The following ASIC2 variants were observed in gnomAD, a reference collection of about 807,000 sequenced individuals.
ASIC2 encodes acid sensing ion channel subunit 2, also known as acid-sensing ion channel 2.
ASIC2 carries 25 observed loss-of-function variants against 57.3 expected under a neutral mutation model. The observed-to-expected ratio is 0.44, with a 90% CI of 0.32 to 0.61. The LOEUF is 0.61. Among genes scored for constraint, ASIC2 ranks in the 20% least tolerant of loss-of-function variants. ASIC2 has a pLI of 0.06. For synonymous variants in ASIC2, 319 were observed against 307.5 expected, an observed-to-expected ratio of 1.04 and a Z score of -0.39; for missense variants, 641 against 738.1, an observed-to-expected ratio of 0.87 and a Z score of 1.52.
At chr17:33,274,753 T>C (rs537719317) in intron 1 of ASIC2, among the ~76,000 whole-genome samples, 1 of 152,228 alleles carries the variant, frequency 6.6e-6, no homozygotes, top group South Asian at 2.1e-4. Context: ...AGTTGAAAAA[T>C]CCTGACTTAT....
intron 1 of ASIC2, among the ~76,000 whole-genome samples, chr17:33,930,890 C>A (rs955388686): frequency 6.6e-6 from 1 of 151,888 alleles, no homozygotes; most frequent in Admixed American, 6.5e-5. Flanking sequence ...CTGCCTAGTG[C>A]AGATTTATTT....
intron 1 of ASIC2, among the ~76,000 whole-genome samples, chr17:34,021,868 A>G (rs897918759): frequency 8.1e-6 from 1 of 123,482 alleles, no homozygotes; most frequent in Non-Finnish European, 1.6e-5. Flanking sequence ...GACAGAGTCT[A>G]GCTCTGTCAC....
intron 1 of ASIC2, among the ~76,000 whole-genome samples, chr17:33,504,655 G>A (rs1914196774): frequency 6.6e-6 from 1 of 152,180 alleles, no homozygotes; most frequent in Non-Finnish European, 1.5e-5. Context: ...TGTAAAGAGA[G>A]TATCTTTTTA....
At position 33,064,091 on chromosome 17, in the gene ASIC2, T is replaced by C. The variant is rs147692328; in HGVS notation, c.987+24772A>G. ...CTTTTTTCAAGGTTTTTAACTTCTTTGCGATGGGTTCACACTTCCTCCTTT... is the reference window on the plus strand; with the variant it reads ...CTTTTTTCAAGGTTTTTAACTTCTTCGCGATGGGTTCACACTTCCTCCTTT... On this transcript the variant is annotated intron_variant, in intron 3 of 9. Transcript: ENST00000225823. Among the ~76,000 whole-genome samples, 999 of 152,344 alleles carry C rather than the reference T, an allele frequency of 6.6e-3. 5 individuals carry two copies. Among genetic ancestry groups the C allele is most frequent in the African/African-American group, 0.023 (948 of 41,578 alleles).
At chr17:33,492,150 A>G (rs1289269452) in intron 1 of ASIC2, among the ~76,000 whole-genome samples, 1 of 152,242 alleles carries the variant, frequency 6.6e-6, no homozygotes, top group Non-Finnish European at 1.5e-5. Flanking sequence ...CACAGCTAGC[A>G]TGTATTAAGT....
At chr17:33,030,714 A>C (rs766583945) in intron 3 of ASIC2, among the ~76,000 whole-genome samples, 1 of 152,142 alleles carries the variant, frequency 6.6e-6, no homozygotes, top group Non-Finnish European at 1.5e-5. Context: ...GAGAGTTTTT[A>C]TCATCAGTGA....
In ASIC2 at chr17:33,046,455, T is replaced by C. The variant is rs771008919; in HGVS notation, c.988-18063A>G. On this transcript the variant is annotated intron_variant, in intron 3 of 9. Transcript: ENST00000225823. ...CACTTTCCCCCACCTGAGTGGGAAA[T>C]GAAGGAGTGTCTCTTGTCCCAGGGT... Among the ~76,000 whole-genome samples the C allele has an allele frequency of 1.1e-3, 163 of 152,156 alleles. 1 individual carries two copies. The highest frequency in any genetic ancestry group is 4.6e-4 in the Admixed American group (7 of 15,276).
At chr17:33,796,055 T>A (rs1324177799) in intron 1 of ASIC2, among the ~76,000 whole-genome samples, 1 of 152,240 alleles carries the variant, frequency 6.6e-6, no homozygotes, top group Non-Finnish European at 1.5e-5. Flanking sequence ...TCCATGACTG[T>A]GAGGGCATTT....
rs189969198 is a variant in ASIC2, at chr17:33,583,407, A to G, written c.556-471340T>C. ...AGAAGGCCTTATATTAGAAATGCTT[A>G]TGTGTGGACATTTCTCTGCCTGCCT... On this transcript the variant is annotated intron_variant, in intron 1 of 9. Coordinates refer to the ASIC2 transcript ENST00000359872. Among the ~76,000 whole-genome samples, 10 of 152,264 alleles carry G rather than the reference A, an allele frequency of 6.6e-5. No individual in the cohort carries two copies. The East Asian group carries it at 1.9e-3, about 29-fold the overall frequency.
Position 33,134,398 on chromosome 17 carries a change from T to C in ASIC2, c.709-22331A>G, listed in dbSNP as rs374538802. 1.7e-3 allele frequency among the ~76,000 whole-genome samples: 257 copies of C among 152,250 alleles called. 1 individual carries two copies. The highest frequency in any genetic ancestry group is 6.0e-3 in the African/African-American group (250 of 41,552). Reference sequence around the variant, plus strand: ...ATTGATTGCCCCAAGGAGGACACTTTGGAGAGTGAAAGCAAGGAGCCCACT... The same window carrying C: ...ATTGATTGCCCCAAGGAGGACACTTCGGAGAGTGAAAGCAAGGAGCCCACT... On this transcript the variant is annotated intron_variant, in intron 1 of 9. Coordinates refer to ENST00000225823, the MANE Select transcript of ASIC2 (RefSeq NM_183377.2).
At chr17:34,065,358 G>C (rs563024200) in intron 1 of ASIC2, among the ~76,000 whole-genome samples, 1 of 152,128 alleles carries the variant, frequency 6.6e-6, no homozygotes, top group Admixed American at 6.5e-5. Context: ...GACTTAGGGG[G>C]AAGAGTGGAA....
At chr17:34,028,916 G>T (rs1481245531) in intron 1 of ASIC2, among the ~76,000 whole-genome samples, 1 of 152,126 alleles carries the variant, frequency 6.6e-6, no homozygotes. Flanking sequence ...GCTGTTCCTT[G>T]AACATATCTG....
intron 3 of ASIC2, among the ~76,000 whole-genome samples, chr17:33,062,212 T>C (rs1380519632): frequency 6.6e-6 from 1 of 152,196 alleles, no homozygotes; most frequent in African/African-American, 2.4e-5. Flanking sequence ...AGCTTTTGAA[T>C]GTGTTTGCTC....
chr17:33,724,343 T>TA (rs1055800952), intron 1 of ASIC2, among the ~76,000 whole-genome samples: 4 of 152,128 alleles, frequency 2.6e-5, no homozygotes, highest in Non-Finnish European at 4.4e-5. Flanking sequence ...GATTTCTTTC[T>TA]AAAAAAGATG....
chr17:33,334,562 G>C (rs527731980), intron 1 of ASIC2, among the ~76,000 whole-genome samples: 2 of 152,344 alleles, frequency 1.3e-5, no homozygotes, highest in East Asian at 3.9e-4. Flanking sequence ...TATCAGTAAT[G>C]TGTCATCCTC....
At chr17:34,122,261 C>T (rs1042691511) in intron 1 of ASIC2, among the ~76,000 whole-genome samples, 6 of 152,124 alleles carry the variant, frequency 3.9e-5, no homozygotes, top group Admixed American at 1.3e-4. Flanking sequence ...TGAGTCTCAA[C>T]GAGATTAAAT....
intron 6 of ASIC2, 88 bp downstream of exon 6, chr17:33,023,773 C>G: frequency 6.5e-7 from 1 of 1,549,852 alleles, no homozygotes. Context: ...GAACCAAATG[C>G]TTATCTTTGC....
chr17:33,715,808 C>T (rs1161525797), intron 1 of ASIC2, among the ~76,000 whole-genome samples: 1 of 152,088 alleles, frequency 6.6e-6, no homozygotes, highest in Non-Finnish European at 1.5e-5. Flanking sequence ...AAGATCATGT[C>T]CCTAGAGGTC....
At chr17:34,010,247 A>G (rs1456407868) in intron 1 of ASIC2, among the ~76,000 whole-genome samples, 3 of 152,164 alleles carry the variant, frequency 2.0e-5, no homozygotes, top group Non-Finnish European at 2.9e-5. Flanking sequence ...ACTTTGACCT[A>G]TCTGGGGCTG....
Sources: allele counts gnomAD v4.1 joint callset (sites outside exome capture counted in the v4.1 genomes callset), GRCh38; gene constraint gnomAD v4.1.1; transcripts MANE v1.5; gene names NCBI Gene and HGNC (gene_info 2026-07-23, HGNC 2026-07-21).